CEP112: variants seen among roughly 807,000 people sequenced by gnomAD.
CEP112 encodes the protein centrosomal protein of 112 kDa.
Under a neutral mutation model 153.0 loss-of-function variants are expected in CEP112, and 127 were observed. The ratio of observed to expected loss-of-function variants is 0.83; its 90% CI spans 0.72 to 0.96. The LOEUF is 0.96. Ranked by LOEUF, CEP112 falls within the 40% of genes least tolerant of loss-of-function variation. The probability of loss-of-function intolerance (pLI) is 0.00; values close to 1 mark genes in which losing one functional copy is unlikely to be tolerated. For missense variants in CEP112, 1,089 were observed against 1,101.2 expected (o/e 0.99, Z 0.16); for synonymous variants, 358 against 374.4 (o/e 0.96, Z 0.51).
rs199636922 is a variant in CEP112 at position 65,969,082 on chromosome 17, AT to A, written c.1737-7485del. On this transcript the variant is annotated intron_variant, in intron 17 of 26. Transcript: ENST00000535342. The stretch of plus-strand genomic sequence containing the variant: ...GTTTTTTGTTTTTTTGTGTGTGTGG[AT>A]TTTTTTTTTTTTTTTTGAGACAATG... 8.3e-4 allele frequency among the ~76,000 whole-genome samples: 118 copies of A among 141,382 alleles called. 1 individual carries two copies. The highest frequency in any genetic ancestry group is 7.7e-4 in the Non-Finnish European group (51 of 65,888). 92.8% of individuals were successfully genotyped at this position (141,382 alleles called of 152,430 possible).
chr17:66,150,646 G>A (rs1031158281), intron 4 of CEP112, among the ~76,000 whole-genome samples: 1 of 152,182 alleles, frequency 6.6e-6, no homozygotes, highest in African/African-American at 2.4e-5. Flanking sequence ...CCCCACACTG[G>A]AGTATGTGCA....
At chr17:65,752,359 C>T (rs2051932406) in intron 21 of CEP112, among the ~76,000 whole-genome samples, 1 of 152,134 alleles carries the variant, frequency 6.6e-6, no homozygotes, top group Non-Finnish European at 1.5e-5. Flanking sequence ...CTGGACTCTC[C>T]CATGCCAGCA....
At position 65,928,706 on chromosome 17, in the gene CEP112, GA is replaced by G. The variant is rs908535780; in HGVS notation, c.1873-1018del. Among the ~76,000 whole-genome samples, 127 of 151,806 alleles carry G rather than the reference GA, an allele frequency of 8.4e-4. 1 individual carries two copies. The highest frequency in any genetic ancestry group is 2.4e-4 in the Non-Finnish European group (16 of 67,876). ...AGTGAGACTGTGTCTCTACAAAAAA[GA>G]AAAAAAATTAGCCGAGCGTGGTGGC... On this transcript the variant is annotated intron_variant, in intron 18 of 26. Coordinates refer to ENST00000535342, the MANE Select transcript of CEP112 (RefSeq NM_001199165.4).
chr17:66,023,818 C>T (rs972811047), intron 16 of CEP112, among the ~76,000 whole-genome samples: 15 of 152,004 alleles, frequency 9.9e-5, no homozygotes, highest in African/African-American at 3.6e-4. Context: ...GGAATGAATG[C>T]TCTACTTAAA....
chr17:65,971,199 T>C, intron 17 of CEP112, among the ~76,000 whole-genome samples: 1 of 152,046 alleles, frequency 6.6e-6, no homozygotes, highest in East Asian at 1.9e-4. Flanking sequence ...GCATATCACA[T>C]TGCACGTATG....
At chr17:66,172,069 G>T (rs1478940945) in intron 4 of CEP112, among the ~76,000 whole-genome samples, 1 of 152,140 alleles carries the variant, frequency 6.6e-6, no homozygotes, top group Non-Finnish European at 1.5e-5. Flanking sequence ...CCGTTTCAAA[G>T]GGATTTTGTA....
chr17:65,659,074 T>G, intron 24 of CEP112, among the ~76,000 whole-genome samples: 1 of 140,022 alleles, frequency 7.1e-6, no homozygotes, highest in African/African-American at 2.6e-5. Flanking sequence ...GCCTTGAATA[T>G]CACCACCGCA....
chr17:66,132,539 G>A, intron 5 of CEP112, 131 bp downstream of exon 5: 4 of 690,040 alleles, frequency 5.8e-6, no homozygotes, highest in South Asian at 5.3e-5. Flanking sequence ...ACATCAGGAT[G>A]TTCACCAGAA....
intron 17 of CEP112, among the ~76,000 whole-genome samples, chr17:65,974,602 T>A (rs1381480763): frequency 1.3e-5 from 2 of 152,192 alleles, no homozygotes; most frequent in African/African-American, 4.8e-5. Context: ...GGGAACAACC[T>A]GTATACCCAT....
chr17:65,897,774 G>T (rs1018362939), intron 20 of CEP112, among the ~76,000 whole-genome samples: 5 of 151,892 alleles, frequency 3.3e-5, no homozygotes, highest in Non-Finnish European at 7.4e-5. Flanking sequence ...TTTTATGAAA[G>T]TACTAAAGAA....
At chr17:65,750,574 G>A in intron 22 of CEP112, 88 bp downstream of exon 22, 2 of 1,085,888 alleles carry the variant, frequency 1.8e-6, no homozygotes, top group African/African-American at 3.1e-5. Flanking sequence ...AAAGAATGAA[G>A]TTTAACTTGA....
At position 65,743,154 on chromosome 17, in the gene CEP112, C is replaced by T; in HGVS notation, c.2521G>A (p.Ala841Thr). The T allele has an allele frequency of 6.2e-7, 1 of 1,613,240 alleles. No homozygotes were observed. The highest frequency in any genetic ancestry group is 8.5e-7 in the Non-Finnish European group (1 of 1,179,632). ...ACATCCTGGAGCCGCCTTTCTGCAG[C>T]AAGCTGCTGCTGGCTGTTCTCTTCT... The part of the protein sequence containing the change: ...LKEENSQQQL[A>T]AERRLQDVRQ... The change falls in exon 23 of 27, where the codon GCT becomes ACT. Residue 841 changes from alanine to threonine, a missense_variant. By Grantham distance (58) the Ala-to-Thr change is moderately conservative. Transcript: ENST00000535342.
chr17:66,035,002 ATATATATT>A (rs1250214823), intron 12 of CEP112, among the ~76,000 whole-genome samples: 2 of 108,482 alleles, frequency 1.8e-5, no homozygotes, highest in Non-Finnish European at 3.7e-5. Context: ...ACATATATAT[ATATATATT>A]TTTTTTTTTA....
At chr17:65,847,717 A>C (rs2057779101) in intron 21 of CEP112, among the ~76,000 whole-genome samples, 1 of 152,224 alleles carries the variant, frequency 6.6e-6, no homozygotes, top group African/African-American at 2.4e-5. Context: ...CAAGCGAACA[A>C]ATAAAAGGAT....
At chr17:66,046,061 G>A (rs956654960) in intron 12 of CEP112, among the ~76,000 whole-genome samples, 3 of 141,500 alleles carry the variant, frequency 2.1e-5, no homozygotes, top group African/African-American at 8.0e-5. Context: ...TTTTTTTTTT[G>A]AGAGAGAGTC....
intron 24 of CEP112, among the ~76,000 whole-genome samples, chr17:65,666,034 T>C (rs1357804134): frequency 6.6e-6 from 1 of 152,210 alleles, no homozygotes; most frequent in Non-Finnish European, 1.5e-5. Flanking sequence ...CTCTGATCAC[T>C]CAAAACTTGC....
chr17:65,918,653 GTTGT>G (rs1045633181), intron 19 of CEP112, among the ~76,000 whole-genome samples: 3 of 152,118 alleles, frequency 2.0e-5, no homozygotes, highest in African/African-American at 7.2e-5. Context: ...TGCCTGGTTG[GTTGT>G]TTGTTTCCAA....
At chr17:65,871,564 G>A (rs1044116039) in intron 20 of CEP112, among the ~76,000 whole-genome samples, 2 of 152,180 alleles carry the variant, frequency 1.3e-5, no homozygotes, top group Admixed American at 6.5e-5. Flanking sequence ...GAATCTGGGA[G>A]GCGGAGATTA....
At chr17:66,150,642 A>G (rs1294208539) in intron 4 of CEP112, among the ~76,000 whole-genome samples, 1 of 152,162 alleles carries the variant, frequency 6.6e-6, no homozygotes. Flanking sequence ...AGTTCCCCAC[A>G]CTGGAGTATG....
Sources: allele counts gnomAD v4.1 joint callset (sites outside exome capture counted in the v4.1 genomes callset), GRCh38; gene constraint gnomAD v4.1.1; transcripts MANE v1.5; gene names NCBI Gene and HGNC (gene_info 2026-07-23, HGNC 2026-07-21).